The following RPRD1B variants were observed in gnomAD, a reference collection of about 807,000 sequenced individuals.
The protein encoded by RPRD1B is regulation of nuclear pre-mRNA domain-containing protein 1B.
RPRD1B carries 11 observed loss-of-function variants against 41.5 expected under a neutral mutation model. That is an observed-to-expected ratio of 0.27 (90% CI 0.17 to 0.44). The LOEUF (loss-of-function observed/expected upper bound fraction) is 0.44, where lower values mean the gene tolerates loss of function less well. RPRD1B is among the 20% of genes least tolerant of loss of function. The pLI, the probability that RPRD1B is intolerant of heterozygous loss-of-function variation, is 1.00. For missense variants in RPRD1B, 248 were observed against 389.9 expected, an observed-to-expected ratio of 0.64 and a Z score of 3.06; for synonymous variants, 158 against 155.6, an observed-to-expected ratio of 1.02 and a Z score of -0.12.
Position 38,090,934 on chromosome 20 carries a change from G to A in RPRD1B, c.*1059G>A, listed in dbSNP as rs1396034729. 1.9e-5 allele frequency: 19 copies of A among 985,312 alleles called. No homozygotes were observed. The highest frequency in any genetic ancestry group is 3.5e-5 in the African/African-American group (2 of 57,248). 61.0% of individuals were successfully genotyped at this position (985,312 alleles called of 1,614,324 possible). ...GCACAGGTCCTTGTCCCCACACGAC[G>A]GGGAGTACTTGCGTCAGATGTTATT... On this transcript the variant is annotated 3_prime_UTR_variant, in exon 7 of 7. Transcript: ENST00000373433.
chr20:38,036,342 C>G (rs1042194612), intron 1 of RPRD1B, among the ~76,000 whole-genome samples: 1 of 152,188 alleles, frequency 6.6e-6, no homozygotes, highest in African/African-American at 2.4e-5. Flanking sequence ...TTCATGTACT[C>G]AGTGCCTCAA....
Position 38,050,582 on chromosome 20 carries a change from T to C in RPRD1B, c.415+2101T>C, listed in dbSNP as rs144996323. Among the ~76,000 whole-genome samples, 146 of 152,308 alleles carry C rather than the reference T, an allele frequency of 9.6e-4. 1 individual carries two copies. The highest frequency in any genetic ancestry group is 6.8e-4 in the Non-Finnish European group (46 of 68,022). On this transcript the variant is annotated intron_variant, in intron 3 of 6. Coordinates refer to ENST00000373433, the MANE Select transcript of RPRD1B (RefSeq NM_021215.4). Reference sequence around the variant, plus strand: ...ATGTTGAATTTCAATTTAATGTACATTTGCTGGACACATACTTTGAATAAA... The same window carrying C: ...ATGTTGAATTTCAATTTAATGTACACTTGCTGGACACATACTTTGAATAAA...
At chr20:38,039,495 C>T (rs1051570777) in intron 1 of RPRD1B, among the ~76,000 whole-genome samples, 8 of 151,828 alleles carry the variant, frequency 5.3e-5, no homozygotes, top group Admixed American at 2.6e-4. Context: ...ACCTCTACCT[C>T]CCGGATTCAA....
At chr20:38,072,860 C>G (rs1220599847) in intron 6 of RPRD1B, among the ~76,000 whole-genome samples, 1 of 152,138 alleles carries the variant, frequency 6.6e-6, no homozygotes, top group Non-Finnish European at 1.5e-5. Context: ...AATGGAGTCA[C>G]CAGGGCACAG....
chr20:38,034,158 A>G lies in RPRD1B; in HGVS notation c.151+60A>G, dbSNP rs551780823. 4.5e-5 allele frequency: 70 copies of G among 1,550,818 alleles called. No individual in the cohort carries two copies. In the African/African-American group the frequency reaches 8.3e-4, roughly 18 times the overall value. On this transcript the variant is annotated intron_variant, in intron 1 of 6. Coordinates refer to ENST00000373433, the MANE Select transcript of RPRD1B (RefSeq NM_021215.4). ...CGGATTGTCCTCTCGCCCACATACA[A>G]CCTAGGCCCCTCTAAGCCTCTTCAT...
Position 38,090,312 on chromosome 20 carries a change from C to T in RPRD1B, c.*437C>T, listed in dbSNP as rs1197577579. On this transcript the variant is annotated 3_prime_UTR_variant, in exon 7 of 7. Coordinates refer to ENST00000373433, the MANE Select transcript of RPRD1B (RefSeq NM_021215.4). ...TTCGGTGTGGGCTTCCACTAAGGCA[C>T]TTGTCCTGGAGACGTTGGCTTTCCC... 4 of 987,662 alleles carry T rather than the reference C, an allele frequency of 4.0e-6. No individual in the cohort carries two copies. The highest frequency in any genetic ancestry group is 4.7e-5 in the South Asian group (1 of 21,404). 61.2% of individuals were successfully genotyped at this position (987,662 alleles called of 1,614,324 possible).
At position 38,048,378 on chromosome 20, in the gene RPRD1B, A is replaced by G. The variant is rs1284761164; in HGVS notation, c.312A>G (p.Leu104=). 1.2e-5 allele frequency: 19 copies of G among 1,613,802 alleles called. No individual in the cohort carries two copies. Among genetic ancestry groups the G allele is most frequent in the Non-Finnish European group, 1.4e-5 (16 of 1,179,862 alleles). Residue 104 remains leucine, a synonymous_variant, in exon 3 of 7, where the codon TTA becomes TTG. Transcript: ENST00000373433. ...READEGCKKP[L]ERLLNIWQER... ...CAGATGAAGGCTGTAAAAAACCTTTAGAAAGATTGCTGAACATCTGGCAAG... is the reference window on the plus strand; with the variant it reads ...CAGATGAAGGCTGTAAAAAACCTTTGGAAAGATTGCTGAACATCTGGCAAG...
At chr20:38,062,130 T>G (rs527920650) in intron 5 of RPRD1B, among the ~76,000 whole-genome samples, 1 of 152,278 alleles carries the variant, frequency 6.6e-6, no homozygotes, top group South Asian at 2.1e-4. Flanking sequence ...ATAAGATAAT[T>G]AATTGGTGAT....
chr20:38,071,525 T>C (rs2074413177), intron 6 of RPRD1B, among the ~76,000 whole-genome samples: 1 of 152,206 alleles, frequency 6.6e-6, no homozygotes. Flanking sequence ...TGTGGCCATA[T>C]CTTTTCATTT....
intron 3 of RPRD1B, chr20:38,049,839 C>A (rs1384253168): frequency 2.1e-6 from 1 of 470,934 alleles, no homozygotes; most frequent in Non-Finnish European, 4.4e-6. Flanking sequence ...AAGACCCTTT[C>A]TATCTGAACT....
chr20:38,042,968 G>A (rs2074082364), intron 2 of RPRD1B, among the ~76,000 whole-genome samples: 1 of 152,192 alleles, frequency 6.6e-6, no homozygotes, highest in Non-Finnish European at 1.5e-5. Context: ...TTTCATACAA[G>A]TGCCTTGTTT....
At chr20:38,039,497 C>T (rs183466480) in intron 1 of RPRD1B, among the ~76,000 whole-genome samples, 1 of 151,902 alleles carries the variant, frequency 6.6e-6, no homozygotes. Flanking sequence ...CTCTACCTCC[C>T]GGATTCAAGC....
At position 38,033,778 on chromosome 20, in the gene RPRD1B, C is replaced by G; in HGVS notation, c.-170C>G. 1 of 612,512 alleles carries G rather than the reference C, an allele frequency of 1.6e-6. No individual in the cohort carries two copies. The highest frequency in any genetic ancestry group is 2.7e-6 in the Non-Finnish European group (1 of 366,948). 37.9% of individuals were successfully genotyped at this position (612,512 alleles called of 1,614,324 possible). ...GGCCATCTTGTGGCGGCGGCGCGGG[C>G]GGCTGTTACTGCGGAGACCCATCCC... is the stretch of plus-strand genomic sequence containing the variant. On this transcript the variant is annotated 5_prime_UTR_variant, in exon 1 of 7. Coordinates refer to ENST00000373433, the MANE Select transcript of RPRD1B (RefSeq NM_021215.4).
At chr20:38,048,896 A>G (rs1156998282) in intron 3 of RPRD1B, among the ~76,000 whole-genome samples, 1 of 152,140 alleles carries the variant, frequency 6.6e-6, no homozygotes, top group Admixed American at 6.5e-5. Context: ...TTAAATGTAG[A>G]TGTGCTTTTG....
rs139802978 is a variant in RPRD1B, at chr20:38,071,482, G to T, written c.831+5226G>T. Among the ~76,000 whole-genome samples the T allele has an allele frequency of 8.3e-3, 1,270 of 152,288 alleles. 10 individuals carry two copies. The highest frequency in any genetic ancestry group is 0.025 in the African/African-American group (1,042 of 41,564). On this transcript the variant is annotated intron_variant, in intron 6 of 6. Coordinates refer to ENST00000373433, the MANE Select transcript of RPRD1B (RefSeq NM_021215.4). ...TGCCACCTTTTGGCTCTTATGAATA[G>T]TGTTGCTATAAACAGTCATGTGGAG...
chr20:38,089,537 C>T (rs2074593800), intron 6 of RPRD1B, among the ~76,000 whole-genome samples, 189 bp from the exon 7 acceptor site: 1 of 152,096 alleles, frequency 6.6e-6, no homozygotes, highest in African/African-American at 2.4e-5. Context: ...ACTCTGCGTT[C>T]CTTTTTTGAT....
Position 38,033,981 on chromosome 20 carries a change from A to C in RPRD1B, c.34A>C (p.Lys12Gln). 1 of 1,613,496 alleles carries C rather than the reference A, an allele frequency of 6.2e-7. No individual in the cohort carries two copies. The highest frequency in any genetic ancestry group is 8.5e-7 in the Non-Finnish European group (1 of 1,179,694). ...SSFSESALEK[K>Q]LSELSNSQQS... The stretch of plus-strand genomic sequence containing the variant: ...CTTCTCTGAGTCGGCGCTGGAGAAG[A>C]AGCTCTCGGAGCTGAGCAACTCTCA... The change falls in exon 1 of 7, where the codon AAG becomes CAG. Residue 12 changes from lysine (K) to glutamine (Q), a missense_variant. Physicochemically the swap from Lys to Gln is moderately conservative, Grantham distance 53 (BLOSUM62 1). This residue lies in a region of RPRD1B where 14 missense variants were observed against 19.9 expected (regional missense o/e 0.70). Transcript: ENST00000373433.
At chr20:38,041,891 T>C (rs2074069842) in intron 2 of RPRD1B, among the ~76,000 whole-genome samples, 2 of 152,218 alleles carry the variant, frequency 1.3e-5, no homozygotes, top group African/African-American at 2.4e-5. Flanking sequence ...TTTTTTCCTA[T>C]ATTCCAGGCA....
chr20:38,034,626 T>G (rs2073975667), intron 1 of RPRD1B, among the ~76,000 whole-genome samples: 1 of 152,234 alleles, frequency 6.6e-6, no homozygotes, highest in Admixed American at 6.5e-5. Context: ...GTCACTATAC[T>G]AAGACCTTTG....
Sources: allele counts gnomAD v4.1 joint callset (sites outside exome capture counted in the v4.1 genomes callset), GRCh38; gene constraint gnomAD v4.1.1; regional missense constraint gnomAD v4.1.1; transcripts MANE v1.5; gene names NCBI Gene and HGNC (gene_info 2026-07-23, HGNC 2026-07-21).